SLC4A4: variants seen among roughly 807,000 people sequenced by gnomAD.
SLC4A4 encodes the protein solute carrier family 4 member 4.
SLC4A4 carries 27 observed loss-of-function variants against 111.5 expected under a neutral mutation model. The observed-to-expected ratio is 0.24, with a 90% CI of 0.18 to 0.33. The LOEUF is 0.33. SLC4A4 is among the 10% of genes least tolerant of loss of function. The pLI, the probability that SLC4A4 is intolerant of heterozygous loss-of-function variation, is 1.00. For missense variants in SLC4A4, 909 were observed against 1,315.5 expected (o/e 0.69, Z 4.78); for synonymous variants, 443 against 463.4 (o/e 0.96, Z 0.57).
chr4:71,379,941 AG>A (rs1717946372), intron 6 of SLC4A4, among the ~76,000 whole-genome samples: 1 of 152,146 alleles, frequency 6.6e-6, no homozygotes, highest in Non-Finnish European at 1.5e-5. Context: ...TTCCTCATCC[AG>A]GGTCTAACAT....
At chr4:71,565,574 T>TG (rs1560628197) in intron 24 of SLC4A4, among the ~76,000 whole-genome samples, 1 of 151,178 alleles carries the variant, frequency 6.6e-6, no homozygotes, top group East Asian at 2.0e-4. Flanking sequence ...GGAAATTTTT[T>TG]TAAACAAAAG....
At chr4:71,249,750 G>A (rs2149053841) in intron 2 of SLC4A4, among the ~76,000 whole-genome samples, 1 of 152,186 alleles carries the variant, frequency 6.6e-6, no homozygotes, top group East Asian at 1.9e-4. Context: ...AACTAGTTGG[G>A]CATGATGGCA....
At chr4:71,169,466 T>C (rs1744879293) in intron 2 of SLC4A4, among the ~76,000 whole-genome samples, 2 of 152,198 alleles carry the variant, frequency 1.3e-5, no homozygotes, top group South Asian at 4.1e-4. Flanking sequence ...GTCGAGCACC[T>C]TTTCATATAC....
At chr4:71,567,661 AAG>A in intron 25 of SLC4A4, 125 bp from the exon 26 acceptor site, 1 of 514,908 alleles carries the variant, frequency 1.9e-6, no homozygotes, top group Non-Finnish European at 3.4e-6. Flanking sequence ...TTAATACACA[AAG>A]AGAATATAAA....
chr4:71,351,315 C>T (rs1183431913), intron 5 of SLC4A4, among the ~76,000 whole-genome samples: 1 of 152,172 alleles, frequency 6.6e-6, no homozygotes, highest in African/African-American at 2.4e-5. Flanking sequence ...TCAACCCTAA[C>T]CCAGGAACTA....
chr4:71,274,570 T>TTAG (rs1172233132), intron 3 of SLC4A4, among the ~76,000 whole-genome samples: 2 of 152,164 alleles, frequency 1.3e-5, no homozygotes, highest in African/African-American at 4.8e-5. Flanking sequence ...CCAAATGCAG[T>TTAG]TAGTATCTTT....
At chr4:71,551,766 C>T (rs2149242807) in intron 20 of SLC4A4, among the ~76,000 whole-genome samples, 1 of 151,982 alleles carries the variant, frequency 6.6e-6, no homozygotes, top group Admixed American at 6.6e-5. Context: ...CTTTCATGTG[C>T]AGATAAATAC....
chr4:71,078,080 C>A (rs1741893615), intron 1 of SLC4A4, among the ~76,000 whole-genome samples: 1 of 151,990 alleles, frequency 6.6e-6, no homozygotes, highest in Non-Finnish European at 1.5e-5. Context: ...AAAATATATT[C>A]TGTGTAAAAA....
chr4:71,274,737 G>A (rs780578162), intron 3 of SLC4A4, among the ~76,000 whole-genome samples: 21 of 152,152 alleles, frequency 1.4e-4, no homozygotes, highest in Non-Finnish European at 2.9e-4. Context: ...TGGACACTTC[G>A]TTTAATGTTT....
At chr4:71,117,060 C>T (rs1186177954) in intron 2 of SLC4A4, among the ~76,000 whole-genome samples, 1 of 152,074 alleles carries the variant, frequency 6.6e-6, no homozygotes, top group Non-Finnish European at 1.5e-5. Context: ...CACTAAAGCC[C>T]CAACCTCTTG....
At chr4:71,116,491 C>A (rs1484080172) in intron 2 of SLC4A4, among the ~76,000 whole-genome samples, 1 of 152,192 alleles carries the variant, frequency 6.6e-6, no homozygotes, top group East Asian at 1.9e-4. Flanking sequence ...TAATCATTTT[C>A]TGTGCATCTT....
chr4:71,281,176 T>C (rs1358818798), intron 3 of SLC4A4, among the ~76,000 whole-genome samples: 2 of 152,182 alleles, frequency 1.3e-5, no homozygotes, highest in African/African-American at 2.4e-5. Context: ...AGTTAGACAA[T>C]GGATGCTCAT....
At chr4:71,515,535 T>A (rs1020042873) in intron 16 of SLC4A4, among the ~76,000 whole-genome samples, 3 of 152,184 alleles carry the variant, frequency 2.0e-5, no homozygotes, top group Admixed American at 6.5e-5. Flanking sequence ...GTTGATTTTT[T>A]AAATCTAGAT....
chr4:71,161,674 C>T (rs986983886), intron 2 of SLC4A4, among the ~76,000 whole-genome samples: 1 of 152,094 alleles, frequency 6.6e-6, no homozygotes, highest in Non-Finnish European at 1.5e-5. Flanking sequence ...ACATAATATG[C>T]TATTAACTGT....
chr4:71,351,430 C>T (rs1037406629), intron 5 of SLC4A4, among the ~76,000 whole-genome samples: 13 of 152,190 alleles, frequency 8.5e-5, no homozygotes, highest in African/African-American at 2.7e-4. Context: ...TTCTAGAAAT[C>T]TAGTGTCTGG....
chr4:71,502,868 G>C (rs1239654530), intron 16 of SLC4A4, among the ~76,000 whole-genome samples: 1 of 152,140 alleles, frequency 6.6e-6, no homozygotes, highest in Non-Finnish European at 1.5e-5. Flanking sequence ...TGCAACTGAA[G>C]TCCAATGTTC....
chr4:71,208,937 G>A (rs1717958497), intron 1 of SLC4A4, among the ~76,000 whole-genome samples: 2 of 152,052 alleles, frequency 1.3e-5, no homozygotes, highest in Admixed American at 1.3e-4. Flanking sequence ...TGAGTTTCCA[G>A]ACTTGAAATT....
intron 16 of SLC4A4, among the ~76,000 whole-genome samples, chr4:71,530,652 A>G (rs1733837343): frequency 6.6e-6 from 1 of 152,114 alleles, no homozygotes; most frequent in Non-Finnish European, 1.5e-5. Context: ...CTCCAGGCCA[A>G]AAGGAACAGC....
intron 2 of SLC4A4, among the ~76,000 whole-genome samples, chr4:71,133,488 A>G (rs1743763950): frequency 6.6e-6 from 1 of 152,170 alleles, no homozygotes; most frequent in Admixed American, 6.5e-5. Flanking sequence ...GGTTGGCAGG[A>G]TTCCCAGGTT....
Sources: gnomAD v4.1 joint callset for allele counts (sites outside exome capture counted in the v4.1 genomes callset) on GRCh38, gnomAD v4.1.1 for gene constraint, MANE v1.5 for transcripts, NCBI Gene and HGNC (gene_info 2026-07-23, HGNC 2026-07-21) for gene names.